The following ATG4C variants were observed in gnomAD, a reference collection of about 807,000 sequenced individuals.
ATG4C encodes the protein autophagy related 4C cysteine peptidase.
A neutral mutation model predicts 57.6 loss-of-function variants in ATG4C; 56 were observed. The ratio of observed to expected loss-of-function variants is 0.97; its 90% CI spans 0.78 to 1.21. ATG4C has a LOEUF of 1.21. Ranked by LOEUF, ATG4C falls within the 50% of genes most tolerant of loss-of-function variation. The pLI, the probability that ATG4C is intolerant of heterozygous loss-of-function variation, is 0.00. For synonymous variants in ATG4C, 157 were observed against 174.1 expected (o/e 0.90, Z 0.78); for missense variants, 595 against 529.8 (o/e 1.12, Z -1.21).
At chr1:62,804,433 C>T (rs1022892959) in intron 2 of ATG4C, among the ~76,000 whole-genome samples, 9 of 151,826 alleles carry the variant, frequency 5.9e-5, no homozygotes, top group African/African-American at 2.2e-4. Context: ...TTAATATCCT[C>T]ATGTCTTGCA....
chr1:62,845,320 A>C (rs1666294952), intron 10 of ATG4C, among the ~76,000 whole-genome samples: 1 of 152,106 alleles, frequency 6.6e-6, no homozygotes, highest in Non-Finnish European at 1.5e-5. Flanking sequence ...TTGTAGTTTT[A>C]ATTTATATTT....
At chr1:62,793,614 AAAAAAACC>A (rs1664362249) in intron 1 of ATG4C, among the ~76,000 whole-genome samples, 3 of 148,022 alleles carry the variant, frequency 2.0e-5, no homozygotes, top group Admixed American at 1.4e-4. Flanking sequence ...AAAAAAAAAA[AAAAAAACC>A]AAAAAAACAA....
chr1:62,787,721 C>CT (rs569233939), intron 1 of ATG4C, among the ~76,000 whole-genome samples: 36 of 145,022 alleles, frequency 2.5e-4, no homozygotes, highest in Admixed American at 8.3e-4. Flanking sequence ...TTTTCCAAGC[C>CT]TTTTTTTTTT....
At chr1:62,834,534 A>G (rs1010041660) in intron 8 of ATG4C, among the ~76,000 whole-genome samples, 2 of 152,056 alleles carry the variant, frequency 1.3e-5, no homozygotes, top group Admixed American at 6.6e-5. Context: ...TGTGAAAGCA[A>G]TTTTATCACC....
intron 3 of ATG4C, among the ~76,000 whole-genome samples, chr1:62,806,211 A>G (rs569807577): frequency 1.3e-5 from 2 of 152,290 alleles, no homozygotes; most frequent in African/African-American, 2.4e-5. Context: ...TTTTAGGTAA[A>G]TAGAATGGCA....
chr1:62,819,918 C>A (rs1665427917), intron 5 of ATG4C, among the ~76,000 whole-genome samples: 1 of 151,682 alleles, frequency 6.6e-6, no homozygotes, highest in Non-Finnish European at 1.5e-5. Context: ...ATTTTGATAC[C>A]AAGTTTTTAA....
chr1:62,863,327 T>A (rs563783456), intron 10 of ATG4C, among the ~76,000 whole-genome samples: 174 of 152,200 alleles, frequency 1.1e-3, no homozygotes, highest in African/African-American at 3.9e-3. Flanking sequence ...AAATATTTTT[T>A]AAAAGGGAAT....
chr1:62,789,159 CA>C (rs1664183841), intron 1 of ATG4C, among the ~76,000 whole-genome samples: 1 of 152,144 alleles, frequency 6.6e-6, no homozygotes, highest in African/African-American at 2.4e-5. Flanking sequence ...AGTGATTTCC[CA>C]CTTCTGTCAT....
At chr1:62,858,255 A>G (rs936704859) in intron 10 of ATG4C, among the ~76,000 whole-genome samples, 1 of 152,196 alleles carries the variant, frequency 6.6e-6, no homozygotes, top group African/African-American at 2.4e-5. Flanking sequence ...AGGAGGAAGA[A>G]ATGGAAATTT....
chr1:62,853,889 T>C (rs1666596345), intron 10 of ATG4C, among the ~76,000 whole-genome samples: 1 of 152,208 alleles, frequency 6.6e-6, no homozygotes, highest in African/African-American at 2.4e-5. Flanking sequence ...TTCTTTGTTC[T>C]TACCTTCTGG....
intron 10 of ATG4C, among the ~76,000 whole-genome samples, chr1:62,848,288 T>C (rs1374358045): frequency 6.6e-6 from 1 of 152,202 alleles, no homozygotes; most frequent in East Asian, 1.9e-4. Context: ...AAATTCTGTT[T>C]TTGTACTTTG....
chr1:62,807,963 A>T (rs1220623731), intron 3 of ATG4C, among the ~76,000 whole-genome samples: 1 of 152,196 alleles, frequency 6.6e-6, no homozygotes, highest in Non-Finnish European at 1.5e-5. Context: ...AACTTCAGGT[A>T]GTTAGTTCAT....
intron 3 of ATG4C, among the ~76,000 whole-genome samples, chr1:62,805,859 T>C (rs1664860680): frequency 6.6e-6 from 1 of 152,184 alleles, no homozygotes; most frequent in Non-Finnish European, 1.5e-5. Flanking sequence ...GGGTATTAAA[T>C]GGCAGAGCTG....
rs1353737009 is a variant in ATG4C, at chr1:62,864,164, T to A, written c.*5T>A. On this transcript the variant is annotated 3_prime_UTR_variant, in exon 11 of 11. Transcript: ENST00000317868. The stretch of plus-strand genomic sequence containing the variant: ...GAAGAGTTTGTCTTGCTTTAAAGAT[T>A]AGCACATTTGTGCTTGATAAGAAGA... The A allele has an allele frequency of 6.3e-7, 1 of 1,593,492 alleles. No individual in the cohort carries two copies. The highest frequency in any genetic ancestry group is 8.5e-7 in the Non-Finnish European group (1 of 1,174,036).
intron 1 of ATG4C, among the ~76,000 whole-genome samples, chr1:62,791,583 G>A (rs1409342317): frequency 2.0e-5 from 3 of 152,156 alleles, no homozygotes; most frequent in African/African-American, 4.8e-5. Flanking sequence ...GTGGTGCAGG[G>A]CATCACATGG....
intron 1 of ATG4C, among the ~76,000 whole-genome samples, chr1:62,791,539 C>T (rs1452474002): frequency 1.3e-5 from 2 of 152,084 alleles, no homozygotes; most frequent in East Asian, 3.9e-4. Context: ...TGGTGAGGGC[C>T]TTCTTGCTGG....
intron 3 of ATG4C, among the ~76,000 whole-genome samples, chr1:62,811,096 G>A (rs747897968): frequency 6.6e-6 from 1 of 152,126 alleles, no homozygotes; most frequent in Non-Finnish European, 1.5e-5. Flanking sequence ...TGAAGGCATT[G>A]ACATTCTGAT....
chr1:62,823,096 A>C (rs1665535704), intron 6 of ATG4C, among the ~76,000 whole-genome samples: 1 of 152,210 alleles, frequency 6.6e-6, no homozygotes, highest in East Asian at 1.9e-4. Flanking sequence ...GCGGAGTTGC[A>C]GTGAACTGAT....
chr1:62,785,869 T>C (rs937399443), intron 1 of ATG4C, among the ~76,000 whole-genome samples: 1 of 152,180 alleles, frequency 6.6e-6, no homozygotes, highest in African/African-American at 2.4e-5. Flanking sequence ...ATAAATTTAC[T>C]CATATAATTT....
Sources: gnomAD v4.1 joint callset for allele counts (sites outside exome capture counted in the v4.1 genomes callset) on GRCh38, gnomAD v4.1.1 for gene constraint, MANE v1.5 for transcripts, NCBI Gene and HGNC (gene_info 2026-07-23, HGNC 2026-07-21) for gene names.